FRMD4A: variants seen among roughly 807,000 people sequenced by gnomAD.
FRMD4A encodes FERM domain-containing protein 4A.
FRMD4A carries 29 observed loss-of-function variants against 129.1 expected under a neutral mutation model. That is an observed-to-expected ratio of 0.22 (90% CI 0.17 to 0.31). The LOEUF is 0.31. FRMD4A is among the 10% of genes least tolerant of loss of function. The probability of loss-of-function intolerance (pLI) is 1.00; values close to 1 mark genes in which losing one functional copy is unlikely to be tolerated. For synonymous variants in FRMD4A, 634 were observed against 571.6 expected (o/e 1.11, Z -1.56); for missense variants, 1,272 against 1,375.8 (o/e 0.92, Z 1.19).
chr10:14,128,001 T>TC lies in FRMD4A; in HGVS notation c.45+202056_45+202057insG, dbSNP rs1491252330. On this transcript the variant is annotated intron_variant, in intron 2 of 24. Coordinates refer to ENST00000357447, the MANE Select transcript of FRMD4A (RefSeq NM_018027.5). ...TTCCTTCTCTCTCTCTCTCTCTCTCTTTCTTTCTTTCTTCCTTCCTTCCTT... is the reference window on the plus strand; with the variant it reads ...TTCCTTCTCTCTCTCTCTCTCTCTCTCTTCTTTCTTTCTTCCTTCCTTCCTT... 3.8e-3 allele frequency among the ~76,000 whole-genome samples: 261 copies of TC among 68,286 alleles called. 9 individuals are homozygous for TC. Among genetic ancestry groups the TC allele is most frequent in the East Asian group, 6.5e-3 (15 of 2,314 alleles). 44.8% of individuals were successfully genotyped at this position (68,286 alleles called of 152,430 possible). A position where few individuals can be genotyped will look rare whatever the true frequency, so the allele number is the denominator to read the frequency against.
chr10:14,161,260 T>C (rs1178452648), intron 2 of FRMD4A, among the ~76,000 whole-genome samples: 1 of 152,202 alleles, frequency 6.6e-6, no homozygotes, highest in Non-Finnish European at 1.5e-5. Context: ...CCAGCTGGTA[T>C]GAAGATTACT....
intron 12 of FRMD4A, among the ~76,000 whole-genome samples, chr10:13,736,445 C>T (rs538676715): frequency 6.6e-6 from 1 of 152,346 alleles, no homozygotes; most frequent in East Asian, 1.9e-4. Context: ...CCTCCACCCG[C>T]CAAAGAGCCA....
At chr10:14,302,218 A>C (rs756739954) in intron 2 of FRMD4A, among the ~76,000 whole-genome samples, 6 of 152,192 alleles carry the variant, frequency 3.9e-5, no homozygotes, top group Non-Finnish European at 7.3e-5. Context: ...GCCAACTCCA[A>C]GACATGACAA....
intron 8 of FRMD4A, among the ~76,000 whole-genome samples, chr10:13,750,374 A>G (rs144461005): frequency 1.3e-5 from 2 of 152,278 alleles, no homozygotes; most frequent in East Asian, 1.9e-4. Context: ...TAGAGGATAT[A>G]AAAAATGATG....
intron 15 of FRMD4A, chr10:13,692,696 C>T (rs80157105): frequency 0.023 from 3,454 of 152,282 alleles, 67 homozygotes; most frequent in African/African-American, 0.052. Flanking sequence ...CACAAGCTAA[C>T]GAGACAATTT....
intron 2 of FRMD4A, among the ~76,000 whole-genome samples, chr10:13,985,645 A>G (rs929839794): frequency 6.6e-6 from 1 of 152,196 alleles, no homozygotes; most frequent in African/African-American, 2.4e-5. Flanking sequence ...CAGCCCTGGC[A>G]GGCACCAGTC....
chr10:13,891,796 C>G (rs917197648), intron 2 of FRMD4A: 2 of 961,150 alleles, frequency 2.1e-6, no homozygotes, highest in Non-Finnish European at 2.5e-6. Flanking sequence ...CGCCGCGGGC[C>G]CTCGGCGTCA....
chr10:14,185,851 G>T (rs146326067), intron 2 of FRMD4A, among the ~76,000 whole-genome samples: 1 of 152,196 alleles, frequency 6.6e-6, no homozygotes, highest in Non-Finnish European at 1.5e-5. Flanking sequence ...CCATGGCCAG[G>T]TTTCCCATAG....
At chr10:14,320,777 A>G (rs1477476496) in intron 2 of FRMD4A, among the ~76,000 whole-genome samples, 2 of 152,252 alleles carry the variant, frequency 1.3e-5, no homozygotes, top group African/African-American at 2.4e-5. Context: ...GAAGCAGCCA[A>G]TCAATACCTT....
At chr10:14,228,014 C>T (rs1843505692) in intron 2 of FRMD4A, among the ~76,000 whole-genome samples, 1 of 152,226 alleles carries the variant, frequency 6.6e-6, no homozygotes, top group South Asian at 2.1e-4. Flanking sequence ...GCTGCGACTA[C>T]AGGTGCGTGC....
At chr10:13,793,875 G>A (rs2093056358) in intron 5 of FRMD4A, among the ~76,000 whole-genome samples, 1 of 152,164 alleles carries the variant, frequency 6.6e-6, no homozygotes, top group South Asian at 2.1e-4. Context: ...CACCTATATA[G>A]AGAATCTGCC....
chr10:14,152,090 G>A (rs1227872133), intron 2 of FRMD4A, among the ~76,000 whole-genome samples: 1 of 137,120 alleles, frequency 7.3e-6, no homozygotes, highest in East Asian at 2.5e-4. Context: ...TAAATACATA[G>A]CCAAAGCAGG....
At chr10:13,978,199 G>C (rs1329903649) in intron 2 of FRMD4A, among the ~76,000 whole-genome samples, 1 of 152,122 alleles carries the variant, frequency 6.6e-6, no homozygotes, top group East Asian at 1.9e-4. Context: ...TGGTGTTCTT[G>C]GTTTTCTAGC....
At chr10:13,738,713 C>G (rs1417826765) in intron 11 of FRMD4A, among the ~76,000 whole-genome samples, 3 of 152,170 alleles carry the variant, frequency 2.0e-5, no homozygotes, top group African/African-American at 7.2e-5. Flanking sequence ...CTCCGCCTCC[C>G]AGGTTCAAGG....
chr10:13,671,240 G>T (rs2083481989), intron 16 of FRMD4A, among the ~76,000 whole-genome samples: 2 of 152,174 alleles, frequency 1.3e-5, no homozygotes, highest in African/African-American at 4.8e-5. Flanking sequence ...GATCTCTTGA[G>T]ATCAGGAGTC....
intron 2 of FRMD4A, among the ~76,000 whole-genome samples, chr10:13,942,121 T>C (rs2066493446): frequency 6.6e-6 from 1 of 152,204 alleles, no homozygotes; most frequent in Non-Finnish European, 1.5e-5. Flanking sequence ...GGTTTCTTTG[T>C]GATGGAGGGA....
At chr10:14,028,517 C>A (rs929270870) in intron 2 of FRMD4A, among the ~76,000 whole-genome samples, 1 of 152,228 alleles carries the variant, frequency 6.6e-6, no homozygotes, top group African/African-American at 2.4e-5. Flanking sequence ...CCCTTGTCCA[C>A]CCCAGGAGGA....
chr10:13,894,458 C>A (rs1232223263), intron 2 of FRMD4A, among the ~76,000 whole-genome samples: 3 of 152,202 alleles, frequency 2.0e-5, no homozygotes, highest in African/African-American at 7.2e-5. Flanking sequence ...GCTACAGAAC[C>A]CTCTTCCAGG....
chr10:13,757,775 C>T (rs113364820), intron 8 of FRMD4A, among the ~76,000 whole-genome samples: 3,268 of 152,214 alleles, frequency 0.021, 48 homozygotes, highest in Non-Finnish European at 0.034. Context: ...GGGAGTTTTG[C>T]TCTTGTCACC....
Sources: allele counts gnomAD v4.1 joint callset (sites outside exome capture counted in the v4.1 genomes callset), GRCh38; gene constraint gnomAD v4.1.1; transcripts MANE v1.5; gene names NCBI Gene and HGNC (gene_info 2026-07-23, HGNC 2026-07-21).